RORA: variants seen among roughly 807,000 people sequenced by gnomAD.
The protein encoded by RORA is nuclear receptor ROR-alpha.
In RORA, 7 loss-of-function variants were observed where a neutral mutation model predicts 69.5. That is an observed-to-expected ratio of 0.10 (90% CI 0.06 to 0.19). RORA has a LOEUF of 0.19. Among genes scored for constraint, RORA ranks in the 10% least tolerant of loss-of-function variants. RORA has a pLI of 1.00. For missense variants in RORA, 457 were observed against 663.0 expected, an observed-to-expected ratio of 0.69 and a Z score of 3.41; for synonymous variants, 261 against 240.8, an observed-to-expected ratio of 1.08 and a Z score of -0.78.
chr15:60,638,093 T>G (rs1195000070), intron 2 of RORA, among the ~76,000 whole-genome samples: 5 of 152,180 alleles, frequency 3.3e-5, no homozygotes, highest in Non-Finnish European at 7.4e-5. Flanking sequence ...TTGGTTCATC[T>G]TAAGTAAAGA....
Position 61,200,216 on chromosome 15 carries a change from G to T in RORA, c.166+28837C>A, listed in dbSNP as rs546822387. ...AAAGAGTCATTCTGCTTCGTTTCTGGCATCAACTGACTTTCTGAGGAATGG... is the reference window on the plus strand; with the variant it reads ...AAAGAGTCATTCTGCTTCGTTTCTGTCATCAACTGACTTTCTGAGGAATGG... On this transcript the variant is annotated intron_variant, in intron 1 of 10. Coordinates refer to ENST00000335670, the MANE Select transcript of RORA (RefSeq NM_134261.3). Among the ~76,000 whole-genome samples, 13 of 152,208 alleles carry T rather than the reference G, an allele frequency of 8.5e-5. No individual in the cohort carries two copies. In the South Asian group the frequency reaches 2.5e-3, roughly 29 times the overall value.
At chr15:60,779,580 T>C (rs114957867) in intron 1 of RORA, among the ~76,000 whole-genome samples, 3,056 of 152,276 alleles carry the variant, frequency 0.02, 112 homozygotes, top group African/African-American at 0.071. Flanking sequence ...AGTAAACAGA[T>C]AGGTTAACAG....
At chr15:61,175,534 C>T (rs1269446360) in intron 1 of RORA, among the ~76,000 whole-genome samples, 2 of 48,844 alleles carry the variant, frequency 4.1e-5, no homozygotes, top group South Asian at 4.9e-4. Context: ...TAGTGAGATC[C>T]TGTTTCTAAA....
intron 9 of RORA, among the ~76,000 whole-genome samples, chr15:60,500,531 C>T (rs1170106849): frequency 6.6e-6 from 1 of 151,680 alleles, no homozygotes; most frequent in Non-Finnish European, 1.5e-5. Context: ...CAAACATGCA[C>T]TACTGGTTGA....
At chr15:60,645,419 A>C (rs145467254) in intron 2 of RORA, among the ~76,000 whole-genome samples, 355 of 143,592 alleles carry the variant, frequency 2.5e-3, no homozygotes, top group Non-Finnish European at 4.2e-3. Flanking sequence ...TTGACAGATA[A>C]ATTTTTTTTT....
chr15:60,732,075 A>G (rs1161007375), intron 1 of RORA, among the ~76,000 whole-genome samples: 2 of 152,228 alleles, frequency 1.3e-5, no homozygotes, highest in Non-Finnish European at 2.9e-5. Flanking sequence ...AATAGGATGC[A>G]TCTCTAGCAG....
chr15:60,611,416 C>T (rs1489519949), intron 2 of RORA, among the ~76,000 whole-genome samples: 1 of 151,848 alleles, frequency 6.6e-6, no homozygotes, highest in African/African-American at 2.4e-5. Flanking sequence ...TTTAACCTTC[C>T]TCAAAGTCTT....
chr15:60,606,832 GAAAT>G (rs59442804), intron 2 of RORA, among the ~76,000 whole-genome samples: 101,957 of 151,262 alleles, frequency 0.67, 34,859 homozygotes, highest in East Asian at 0.91. Flanking sequence ...AAAGCCTTGT[GAAAT>G]AAATGGAAGA....
chr15:61,222,512 T>C (rs1180536253), intron 1 of RORA, among the ~76,000 whole-genome samples: 1 of 152,198 alleles, frequency 6.6e-6, no homozygotes, highest in Admixed American at 6.5e-5. Flanking sequence ...CCCATTCCTC[T>C]CTTCTAAGGA....
intron 1 of RORA, among the ~76,000 whole-genome samples, chr15:61,151,464 T>C (rs993324877): frequency 6.6e-6 from 1 of 152,256 alleles, no homozygotes; most frequent in Non-Finnish European, 1.5e-5. Flanking sequence ...CTAATCATTA[T>C]TAAGTCATAA....
At chr15:61,070,044 T>A (rs1349344510) in intron 1 of RORA, among the ~76,000 whole-genome samples, 1 of 152,232 alleles carries the variant, frequency 6.6e-6, no homozygotes, top group Non-Finnish European at 1.5e-5. Flanking sequence ...TTTAAATGCA[T>A]TAATCTACTC....
At chr15:60,507,788 G>A (rs1268172402) in intron 5 of RORA, among the ~76,000 whole-genome samples, 1 of 152,162 alleles carries the variant, frequency 6.6e-6, no homozygotes, top group Admixed American at 6.5e-5. Flanking sequence ...GGGAAGTAGG[G>A]GGGGATGCTG....
chr15:60,526,129 C>G (rs2066348054), intron 3 of RORA, among the ~76,000 whole-genome samples: 2 of 152,132 alleles, frequency 1.3e-5, no homozygotes. Context: ...TGGTCCAGCC[C>G]TATACTCATA....
At chr15:61,141,113 G>C (rs751560339) in intron 1 of RORA, among the ~76,000 whole-genome samples, 26 of 152,124 alleles carry the variant, frequency 1.7e-4, no homozygotes, top group Non-Finnish European at 8.8e-5. Flanking sequence ...GCCAAAAACT[G>C]ATCAAGGAGT....
At chr15:60,649,476 T>C (rs1014417944) in intron 2 of RORA, among the ~76,000 whole-genome samples, 6 of 152,194 alleles carry the variant, frequency 3.9e-5, no homozygotes, top group African/African-American at 1.2e-4. Context: ...CTGCCATGCA[T>C]GTCAGCCCTG....
At chr15:60,519,642 T>C (rs181061679) in intron 3 of RORA, among the ~76,000 whole-genome samples, 1 of 152,302 alleles carries the variant, frequency 6.6e-6, no homozygotes, top group East Asian at 1.9e-4. Flanking sequence ...TTTAGCACCT[T>C]TAGCTGACCC....
chr15:60,989,200 A>G (rs973733248), intron 1 of RORA, among the ~76,000 whole-genome samples: 9 of 152,072 alleles, frequency 5.9e-5, no homozygotes, highest in African/African-American at 2.2e-4. Context: ...AACAACCCAT[A>G]CTTATTAAGT....
intron 1 of RORA, among the ~76,000 whole-genome samples, chr15:60,973,171 G>T (rs1893772896): frequency 6.6e-6 from 1 of 152,018 alleles, no homozygotes; most frequent in Non-Finnish European, 1.5e-5. Context: ...AGGTAGGGAG[G>T]GTCCTGGAAA....
chr15:60,779,141 G>C (rs2072217332), intron 1 of RORA, among the ~76,000 whole-genome samples: 1 of 152,150 alleles, frequency 6.6e-6, no homozygotes, highest in Non-Finnish European at 1.5e-5. Context: ...TAGTCAGTAA[G>C]GCACAAGCAA....
Sources: allele counts gnomAD v4.1 joint callset (sites outside exome capture counted in the v4.1 genomes callset), GRCh38; gene constraint gnomAD v4.1.1; transcripts MANE v1.5; gene names NCBI Gene and HGNC (gene_info 2026-07-23, HGNC 2026-07-21).